The following SIPA1L2 variants were observed in gnomAD, a reference collection of about 807,000 sequenced individuals.
SIPA1L2 encodes signal induced proliferation associated 1 like 2.
In SIPA1L2, 56 loss-of-function variants were observed where a neutral mutation model predicts 163.9. The ratio of observed to expected loss-of-function variants is 0.34; its 90% CI spans 0.28 to 0.43. The LOEUF (loss-of-function observed/expected upper bound fraction) is 0.43. SIPA1L2 is among the 20% of genes least tolerant of loss of function. The probability of loss-of-function intolerance (pLI) is 1.00; values close to 1 mark genes in which losing one functional copy is unlikely to be tolerated. For missense variants in SIPA1L2, 1,974 were observed against 2,193.5 expected (o/e 0.90, Z 2.00); for synonymous variants, 877 against 865.7 (o/e 1.01, Z -0.23).
chr1:232,462,448 T>A (rs1664289884), intron 9 of SIPA1L2: 2 of 1,250,320 alleles, frequency 1.6e-6, no homozygotes, highest in Non-Finnish European at 2.1e-6. Flanking sequence ...GGTTCATGTA[T>A]CACCACTGTG....
intron 1 of SIPA1L2, among the ~76,000 whole-genome samples, chr1:232,619,898 T>TG (rs1662707883): frequency 6.6e-6 from 1 of 152,104 alleles, no homozygotes; most frequent in Non-Finnish European, 1.5e-5. Flanking sequence ...AATAGATTTT[T>TG]TTTTTAAGAT....
intron 10 of SIPA1L2, 108 bp from the exon 11 acceptor site, chr1:232,445,894 C>A: frequency 2.4e-6 from 3 of 1,273,694 alleles, no homozygotes; most frequent in South Asian, 1.4e-5. Flanking sequence ...GTGTGCCTCT[C>A]CCGGCTCCAA....
intron 9 of SIPA1L2, chr1:232,462,309 C>G (rs1664282687): frequency 6.5e-7 from 1 of 1,548,446 alleles, no homozygotes; most frequent in Non-Finnish European, 8.7e-7. Context: ...CTCCTATCCC[C>G]AAAAGCCCAG....
rs200757572 is a variant in SIPA1L2, at chr1:232,402,396, C to T, written c.5018G>A (p.Arg1673Gln). Residue 1673 changes from arginine to glutamine, a missense_variant, in exon 22 of 23, where the codon CGG becomes CAG. Arg to Gln is a conservative substitution (Grantham distance 43). This residue lies in a region of SIPA1L2 where 1,079 missense variants were observed against 1,150.7 expected (regional missense o/e 0.94). Coordinates refer to ENST00000674635, the MANE Select transcript of SIPA1L2 (RefSeq NM_020808.5). ...LILRQLQTDL[R>Q]KEKQDKAVLQ... is the part of the protein sequence containing the mutation. ...TATGCTCTTCCAATTGATTACCTTC[C>T]GAAGGTCGGTCTGGAGTTGTCGAAG... The T allele has an allele frequency of 8.4e-5, 136 of 1,612,846 alleles. 1 individual carries two copies. The highest frequency in any genetic ancestry group is 1.6e-4 in the Middle Eastern group (1 of 6,074).
intron 18 of SIPA1L2, among the ~76,000 whole-genome samples, chr1:232,420,592 T>C (rs1312378262): frequency 6.6e-6 from 1 of 152,042 alleles, no homozygotes; most frequent in Admixed American, 6.5e-5. Context: ...TCCCAGCACT[T>C]TGGGAGGCCG....
At chr1:232,507,366 G>T (rs908803572) in intron 3 of SIPA1L2, among the ~76,000 whole-genome samples, 6 of 152,116 alleles carry the variant, frequency 3.9e-5, no homozygotes, top group Admixed American at 1.3e-4. Flanking sequence ...GCTACCCACA[G>T]GACTTACCAC....
At chr1:232,565,758 C>G (rs1367082936) in intron 2 of SIPA1L2, among the ~76,000 whole-genome samples, 1 of 152,154 alleles carries the variant, frequency 6.6e-6, no homozygotes, top group South Asian at 2.1e-4. Flanking sequence ...AACTGGGTGA[C>G]TGCAGGGCCT....
At chr1:232,424,366 A>G (rs1661766854) in intron 18 of SIPA1L2, among the ~76,000 whole-genome samples, 1 of 144,714 alleles carries the variant, frequency 6.9e-6, no homozygotes, top group Middle Eastern at 3.6e-3. Context: ...TACATCTTTC[A>G]CCTGGAAACA....
At chr1:232,495,062 AAAGT>A (rs1666111041) in intron 3 of SIPA1L2, among the ~76,000 whole-genome samples, 1 of 152,244 alleles carries the variant, frequency 6.6e-6, no homozygotes. Context: ...CGTTGCTGAG[AAAGT>A]AGAAAACAGA....
At chr1:232,572,527 T>C (rs148933296) in intron 2 of SIPA1L2, among the ~76,000 whole-genome samples, 2 of 152,008 alleles carry the variant, frequency 1.3e-5, no homozygotes, top group African/African-American at 4.8e-5. Flanking sequence ...ACCTCTTTTC[T>C]TGCAAGGATT....
At chr1:232,561,892 G>A (rs1341461672) in intron 2 of SIPA1L2, among the ~76,000 whole-genome samples, 1 of 152,232 alleles carries the variant, frequency 6.6e-6, no homozygotes, top group African/African-American at 2.4e-5. Context: ...AAGGCCTCAG[G>A]TGACTCTTGA....
chr1:232,612,278 C>T (rs1424382462), intron 1 of SIPA1L2, among the ~76,000 whole-genome samples: 1 of 152,194 alleles, frequency 6.6e-6, no homozygotes, highest in Admixed American at 6.5e-5. Context: ...GTGGTGGAGT[C>T]CCCACACAGA....
chr1:232,406,845 C>A (rs1211887746), intron 19 of SIPA1L2, among the ~76,000 whole-genome samples: 2 of 152,204 alleles, frequency 1.3e-5, no homozygotes, highest in Admixed American at 6.5e-5. Flanking sequence ...TGAAATTAAA[C>A]CTATTTCCAC....
chr1:232,544,505 A>G (rs1290452166), intron 2 of SIPA1L2, among the ~76,000 whole-genome samples: 1 of 152,004 alleles, frequency 6.6e-6, no homozygotes, highest in Non-Finnish European at 1.5e-5. Context: ...GCTTGCAGTG[A>G]GCCGAGATTA....
intron 2 of SIPA1L2, among the ~76,000 whole-genome samples, chr1:232,534,049 C>G (rs1207933733): frequency 6.6e-6 from 1 of 151,830 alleles, no homozygotes; most frequent in Non-Finnish European, 1.5e-5. Context: ...TCCTAAAATT[C>G]ATATGAAACC....
intron 13 of SIPA1L2, 101 bp from the exon 14 acceptor site, chr1:232,441,495 G>T: frequency 1.0e-6 from 1 of 997,418 alleles, no homozygotes. Context: ...AACATGAACA[G>T]GCTTGTGGTT....
At chr1:232,519,376 G>A (rs1667357431) in intron 2 of SIPA1L2, among the ~76,000 whole-genome samples, 1 of 152,198 alleles carries the variant, frequency 6.6e-6, no homozygotes, top group Non-Finnish European at 1.5e-5. Context: ...TCCATTTTCT[G>A]TAGGTGGCAT....
At chr1:232,559,949 C>T (rs1196651228) in intron 2 of SIPA1L2, among the ~76,000 whole-genome samples, 1 of 152,072 alleles carries the variant, frequency 6.6e-6, no homozygotes, top group African/African-American at 2.4e-5. Context: ...AGTAATAATA[C>T]CTACCCATCA....
At chr1:232,417,222 C>CT (rs1029109338) in intron 18 of SIPA1L2, among the ~76,000 whole-genome samples, 2 of 152,282 alleles carry the variant, frequency 1.3e-5, no homozygotes, top group Non-Finnish European at 2.9e-5. Context: ...GACCGACAGA[C>CT]TTTTTTGAGA....
Sources: allele counts gnomAD v4.1 joint callset (sites outside exome capture counted in the v4.1 genomes callset), GRCh38; gene constraint gnomAD v4.1.1; regional missense constraint gnomAD v4.1.1; transcripts MANE v1.5; gene names NCBI Gene and HGNC (gene_info 2026-07-23, HGNC 2026-07-21).